The following OPA1 variants were observed in gnomAD, a reference collection of about 807,000 sequenced individuals.
OPA1 encodes the protein OPA1 mitochondrial dynamin like GTPase.
OPA1 carries 59 observed loss-of-function variants against 152.9 expected under a neutral mutation model. The ratio of observed to expected loss-of-function variants is 0.39; its 90% CI spans 0.31 to 0.48. OPA1 has a LOEUF of 0.48. Among genes scored for constraint, OPA1 ranks in the 20% least tolerant of loss-of-function variants. The pLI, the probability that OPA1 is intolerant of heterozygous loss-of-function variation, is 0.96. For missense variants in OPA1, 1,008 were observed against 1,216.8 expected, an observed-to-expected ratio of 0.83 and a Z score of 2.55; for synonymous variants, 400 against 389.9, an observed-to-expected ratio of 1.03 and a Z score of -0.31.
chr3:193,627,739 C>T (rs1731390848), intron 7 of OPA1, among the ~76,000 whole-genome samples: 1 of 152,184 alleles, frequency 6.6e-6, no homozygotes, highest in African/African-American at 2.4e-5. Context: ...TTCTACATTG[C>T]TGAAAGCTAA....
At chr3:193,615,143 C>T (rs1426751588) in intron 2 of OPA1, 102 bp downstream of exon 2, 3 of 940,258 alleles carry the variant, frequency 3.2e-6, no homozygotes, top group African/African-American at 3.2e-5. Context: ...GATGTTTAAA[C>T]ATTTATTTTG....
At chr3:193,684,327 A>T (rs1021401679) in intron 29 of OPA1, among the ~76,000 whole-genome samples, 3 of 152,070 alleles carry the variant, frequency 2.0e-5, no homozygotes, top group Admixed American at 6.5e-5. Context: ...TATGTCCTCC[A>T]TACAGTCTCC....
intron 7 of OPA1, among the ~76,000 whole-genome samples, chr3:193,630,475 TAAA>T (rs1445172727): frequency 6.9e-6 from 1 of 145,248 alleles, no homozygotes; most frequent in Admixed American, 6.6e-5. Flanking sequence ...ATTAAAATCT[TAAA>T]ATAACTTTTC....
At position 193,666,918 on chromosome 3, in the gene OPA1, A is replaced by G. The variant is rs149144969; in HGVS notation, c.2873-252A>G. 1.0e-3 allele frequency among the ~76,000 whole-genome samples: 153 copies of G among 152,320 alleles called. 2 individuals are homozygous for G. The highest frequency in any genetic ancestry group is 3.4e-3 in the Middle Eastern group (1 of 294). Reference sequence around the variant, plus strand: ...CTCTGTTGGGAATGGACTCCTAGGTATCACTTAGTTTTTTGGGAAATCTGC... The same window carrying G: ...CTCTGTTGGGAATGGACTCCTAGGTGTCACTTAGTTTTTTGGGAAATCTGC... On this transcript the variant is annotated intron_variant, in intron 28 of 30. Transcript: ENST00000361510.
chr3:193,602,178 C>G (rs1218156849), intron 1 of OPA1, among the ~76,000 whole-genome samples: 2 of 152,164 alleles, frequency 1.3e-5, no homozygotes, highest in East Asian at 1.9e-4. Context: ...CCCTGGTCAG[C>G]TTTACCTTAA....
chr3:193,634,254 G>A (rs897931830), intron 8 of OPA1, among the ~76,000 whole-genome samples: 4 of 149,182 alleles, frequency 2.7e-5, no homozygotes, highest in African/African-American at 7.4e-5. Context: ...TATTTGAGAC[G>A]GAAAATGTGT....
intron 1 of OPA1, among the ~76,000 whole-genome samples, chr3:193,607,655 T>G (rs141743698): frequency 1.3e-5 from 2 of 152,208 alleles, no homozygotes; most frequent in Non-Finnish European, 2.9e-5. Context: ...CCATGCTGTT[T>G]TGGTGACTGT....
chr3:193,655,484 A>AAAAAC (rs534431886), intron 22 of OPA1, among the ~76,000 whole-genome samples: 73 of 152,318 alleles, frequency 4.8e-4, no homozygotes, highest in African/African-American at 1.7e-3. Context: ...GGAATTATTA[A>AAAAAC]AAAACAAAAC....
chr3:193,604,634 GC>G (rs1033950583), intron 1 of OPA1, among the ~76,000 whole-genome samples: 3 of 152,132 alleles, frequency 2.0e-5, no homozygotes, highest in African/African-American at 7.2e-5. Context: ...GCTGAGGCAG[GC>G]GGATCACCTG....
chr3:193,646,953 G>A, intron 18 of OPA1, 112 bp from the exon 19 acceptor site: 1 of 683,756 alleles, frequency 1.5e-6, no homozygotes. Flanking sequence ...AACAGCACTG[G>A]TATGAAAGGT....
At chr3:193,647,832 A>G (rs774282772) in intron 19 of OPA1, among the ~76,000 whole-genome samples, 3 of 152,186 alleles carry the variant, frequency 2.0e-5, no homozygotes, top group Non-Finnish European at 2.9e-5. Context: ...CTATGGTACT[A>G]AACTACTTCA....
intron 11 of OPA1, 128 bp downstream of exon 11, chr3:193,638,193 C>T: frequency 1.3e-6 from 1 of 757,366 alleles, no homozygotes; most frequent in Non-Finnish European, 2.3e-6. Flanking sequence ...GGAATGATCC[C>T]TAGTGTGGAA....
chr3:193,664,929 C>A lies in OPA1; in HGVS notation c.2711C>A (p.Ala904Asp). ...QVYRRHFLKT[A>D]LNHCNLCRRG... The stretch of plus-strand genomic sequence containing the variant: ...TATAGAAGACATTTTTTAAAAACAG[C>A]TCTAAACCATTGTAACCTTTGTCGA... Residue 904 changes from alanine (A) to aspartate (D), a missense_variant, in exon 27 of 31, where the codon GCT becomes GAT. Transcript: ENST00000361510. 6.2e-7 allele frequency: 1 copy of A among 1,608,644 alleles called. No homozygotes were observed.
chr3:193,662,023 ACACT>A (rs1006368524), intron 25 of OPA1, among the ~76,000 whole-genome samples: 5 of 152,166 alleles, frequency 3.3e-5, no homozygotes, highest in Non-Finnish European at 5.9e-5. Context: ...GCAAAAAAAA[ACACT>A]CAGTTTCGTA....
At chr3:193,665,041 G>A (rs777245965) in intron 27 of OPA1, 45 bp downstream of exon 27, 2 of 1,016,850 alleles carry the variant, frequency 2.0e-6, no homozygotes, top group Non-Finnish European at 3.1e-6. Flanking sequence ...AGCAACAGTT[G>A]TCAAAATATG....
chr3:193,635,396 T>C (rs771345458), intron 8 of OPA1, 22 bp from the exon 9 acceptor site: 10 of 1,417,040 alleles, frequency 7.1e-6, no homozygotes, highest in Admixed American at 6.7e-5. Flanking sequence ...CTTATATAGT[T>C]ACACTTATTA....
At chr3:193,666,605 T>C (rs1326805385) in intron 28 of OPA1, among the ~76,000 whole-genome samples, 1 of 152,042 alleles carries the variant, frequency 6.6e-6, no homozygotes, top group Non-Finnish European at 1.5e-5. Flanking sequence ...CTGGGCAACA[T>C]TGTGAGACTC....
intron 1 of OPA1, among the ~76,000 whole-genome samples, chr3:193,606,902 A>G (rs984729975): frequency 1.5e-4 from 23 of 152,158 alleles, no homozygotes; most frequent in African/African-American, 5.3e-4. Flanking sequence ...AAGTGTTCCT[A>G]TTTCTCCACA....
At chr3:193,645,911 T>G in intron 18 of OPA1, 111 bp downstream of exon 18, 1 of 904,222 alleles carries the variant, frequency 1.1e-6, no homozygotes, top group Non-Finnish European at 1.7e-6. Context: ...ACATCGGATT[T>G]CTAGAATTTT....
Sources: gnomAD v4.1 joint callset for allele counts (sites outside exome capture counted in the v4.1 genomes callset) on GRCh38, gnomAD v4.1.1 for gene constraint, MANE v1.5 for transcripts, NCBI Gene and HGNC (gene_info 2026-07-23, HGNC 2026-07-21) for gene names.